The following TEX52 variants were observed in gnomAD, a reference collection of about 807,000 sequenced individuals.
TEX52 encodes testis-expressed protein 52.
TEX52 carries 22 observed loss-of-function variants against 17.6 expected under a neutral mutation model. The observed-to-expected ratio is 1.25, with a 90% CI of 0.89 to 1.78. TEX52 has a LOEUF of 1.78. Among genes scored for constraint, TEX52 ranks in the 40% most tolerant of loss-of-function variants. The pLI is 0.00. For missense variants in TEX52, 396 were observed against 372.3 expected (o/e 1.06, Z -0.52); for synonymous variants, 168 against 147.4 (o/e 1.14, Z -1.01).
chr12:2,855,601 C>G lies in TEX52; in HGVS notation c.73-155G>C, dbSNP rs577541305. 9.2e-5 allele frequency among the ~76,000 whole-genome samples: 14 copies of G among 152,346 alleles called. No homozygotes were observed. The South Asian group carries it at 2.9e-3, about 32-fold the overall frequency. Reference sequence around the variant, plus strand: ...TCCTGGCAGGGCCGCATCTCCATCCCTCTCCTTCCCGGCGGAAGTTATGGC... The same window carrying G: ...TCCTGGCAGGGCCGCATCTCCATCCGTCTCCTTCCCGGCGGAAGTTATGGC... On this transcript the variant is annotated intron_variant, in intron 1 of 2. Transcript: ENST00000637658.
chr12:2,855,179 T>C lies in TEX52; in HGVS notation c.340A>G (p.Arg114Gly). The C allele has an allele frequency of 6.6e-7, 1 of 1,507,136 alleles. No homozygotes were observed. Among genetic ancestry groups the C allele is most frequent in the Non-Finnish European group, 8.9e-7 (1 of 1,129,264 alleles). The allele number at this position is 1,507,136 out of a possible 1,614,324, so 93.4% of individuals were successfully genotyped here. A position where few individuals can be genotyped will look rare whatever the true frequency, so the allele number is the denominator to read the frequency against. Reference protein sequence around the residue: ...LPATFPTQPDRPYDSNVWRWL... With the variant: ...LPATFPTQPDGPYDSNVWRWL... ...CGCCAGACATTGCTATCGTAGGGCC[T>C]GTCAGGCTGGGTGGGGAAGGTGGCA... Residue 114 changes from arginine (R) to glycine (G), a missense_variant, in exon 2 of 3, where the codon AGG becomes GGG. Arg to Gly is a moderately radical substitution (Grantham distance 125). Coordinates refer to ENST00000637658, the MANE Select transcript of TEX52 (RefSeq NM_001365174.2).
chr12:2,849,654 C>T (rs2098063922), intron 2 of TEX52, 129 bp from the exon 3 acceptor site: 1 of 1,016,168 alleles, frequency 9.8e-7, no homozygotes, highest in Non-Finnish European at 1.4e-6. Context: ...GCAGGGAATC[C>T]CTTCTGTCTC....
In TEX52 at chr12:2,853,607, GT is replaced by G. The variant is rs569055360; in HGVS notation, c.623+1288del. 5.3e-3 allele frequency among the ~76,000 whole-genome samples: 770 copies of G among 145,518 alleles called. 9 individuals are homozygous for G. The highest frequency in any genetic ancestry group is 0.019 in the African/African-American group (735 of 38,882). ...TGTTGTTGTTGTTGTTTTTGTTTTT[GT>G]TTTTGTTTTTTTTTCAGATTAAAAA... is the stretch of plus-strand genomic sequence containing the variant. On this transcript the variant is annotated intron_variant, in intron 2 of 2. Transcript: ENST00000637658.
chr12:2,853,592 GTTGTTTTTGTTT>G lies in TEX52; in HGVS notation c.623+1292_623+1303del, dbSNP rs796760977. On this transcript the variant is annotated intron_variant, in intron 2 of 2. Transcript: ENST00000637658. ...CCGGCCTGTTTTTTTTGTTGTTGTT[GTTGTTTTTGTTT>G]TTGTTTTTGTTTTTTTTTCAGATTA... is the stretch of plus-strand genomic sequence containing the variant. Among the ~76,000 whole-genome samples, 34 of 150,256 alleles carry G rather than the reference GTTGTTTTTGTTT, an allele frequency of 2.3e-4. No individual in the cohort carries two copies. The South Asian group carries it at 6.4e-3, about 28-fold the overall frequency.
At chr12:2,847,977 C>T (rs190374132), downstream of TEX52, among the ~76,000 whole-genome samples, 102 of 152,334 alleles carry the variant, frequency 6.7e-4, no homozygotes, top group Middle Eastern at 3.4e-3. Context: ...TGGAGGGCCA[C>T]CAGTGTGCTA....
At chr12:2,850,289 C>A (rs1418924133) in intron 2 of TEX52, among the ~76,000 whole-genome samples, 1 of 152,018 alleles carries the variant, frequency 6.6e-6, no homozygotes, top group Non-Finnish European at 1.5e-5. Context: ...GCCTGGCCGA[C>A]ATGATGAAAC....
At chr12:2,852,943 T>A (rs1430126412) in intron 2 of TEX52, among the ~76,000 whole-genome samples, 1 of 151,568 alleles carries the variant, frequency 6.6e-6, no homozygotes, top group Non-Finnish European at 1.5e-5. Context: ...GAGGTTGCAG[T>A]GAGCCAAGAT....
Position 2,855,336 on chromosome 12 carries a change from G to A in TEX52, c.183C>T (p.His61=), listed in dbSNP as rs760686425. The A allele has an allele frequency of 5.9e-6, 9 of 1,532,258 alleles. No individual in the cohort carries two copies. Among genetic ancestry groups the A allele is most frequent in the Admixed American group, 3.9e-5 (2 of 50,870 alleles). 94.9% of individuals were successfully genotyped at this position (1,532,258 alleles called of 1,614,324 possible). A position where few individuals can be genotyped will look rare whatever the true frequency, so the allele number is the denominator to read the frequency against. ...EFPGFTRQAY[H]QLALKLPPCT... ...AGGGCGGCAGCTTCAGAGCCAGCTG[G>A]TGGTAGGCTTGCCGGGTGAAGCCAG... is the stretch of plus-strand genomic sequence containing the variant. Residue 61 remains histidine (H), a synonymous_variant, in exon 2 of 3, where the codon CAC becomes CAT. Transcript: ENST00000637658.
At chr12:2,848,831 A>G (rs895029794), downstream of TEX52, among the ~76,000 whole-genome samples, 1 of 150,992 alleles carries the variant, frequency 6.6e-6, no homozygotes, top group Non-Finnish European at 1.5e-5. Flanking sequence ...CTTCTTATCC[A>G]TGTTTCTTAC....
intron 2 of TEX52, among the ~76,000 whole-genome samples, chr12:2,850,878 G>A (rs895729409): frequency 2.0e-5 from 3 of 151,624 alleles, no homozygotes; most frequent in Non-Finnish European, 2.9e-5. Context: ...CCCCATGTTG[G>A]CCAGGCTGGT....
intron 2 of TEX52, among the ~76,000 whole-genome samples, chr12:2,850,972 C>T (rs2098068667): frequency 6.7e-6 from 1 of 148,616 alleles, no homozygotes; most frequent in Admixed American, 6.7e-5. Context: ...ACACCAGGCC[C>T]AGAGTCTTTT....
intron 2 of TEX52, among the ~76,000 whole-genome samples, chr12:2,850,653 T>TTTTGTTTTG (rs2098067138): frequency 1.0e-5 from 1 of 97,630 alleles, no homozygotes; most frequent in African/African-American, 6.0e-5. Context: ...AGAGTCTTTG[T>TTTTGTTTTG]TTTTGTTTTG....
chr12:2,854,987 T>A lies in TEX52; in HGVS notation c.532A>T (p.Lys178Ter). The change falls in exon 2 of 3, where the codon AAG becomes TAG. Residue 178 changes from lysine to a stop codon, truncating the protein, a stop_gained. Transcript: ENST00000637658. LOFTEE classifies it high-confidence loss of function. Reference protein sequence around the residue: ...QVIFRTVKELKEVEKLKLRSE... With the variant: ...QVIFRTVKEL Reference sequence around the variant, plus strand: ...CTCAACTTGAGCTTCTCCACCTCCTTCAACTCCTTCACTGTCCTGAAAATC... The same window carrying A: ...CTCAACTTGAGCTTCTCCACCTCCTACAACTCCTTCACTGTCCTGAAAATC... The A allele has an allele frequency of 6.5e-7, 1 of 1,536,232 alleles. No individual in the cohort carries two copies. The highest frequency in any genetic ancestry group is 8.7e-7 in the Non-Finnish European group (1 of 1,146,928).
chr12:2,854,836 A>AG lies in TEX52; in HGVS notation c.623+59dup. On this transcript the variant is annotated intron_variant, in intron 2 of 2. Coordinates refer to ENST00000637658, the MANE Select transcript of TEX52 (RefSeq NM_001365174.2). The stretch of plus-strand genomic sequence containing the variant: ...CCGGTTAGAAACAGGAACCTGAGAG[A>AG]GGGAGGGGTCACCTGGGCAGGGCAG... 3 of 1,454,804 alleles carry AG rather than the reference A, an allele frequency of 2.1e-6. No individual in the cohort carries two copies. In the East Asian group the frequency reaches 7.5e-5, roughly 36 times the overall value. 90.1% of individuals were successfully genotyped at this position (1,454,804 alleles called of 1,614,324 possible). A position where few individuals can be genotyped will look rare whatever the true frequency, so the allele number is the denominator to read the frequency against.
At position 2,855,228 on chromosome 12, in the gene TEX52, C is replaced by A. The variant is rs568961707; in HGVS notation, c.291G>T (p.Thr97=). ...GGAQHTWGFH[T]WLDVCRLPAT... ...CAGGCAGACGGCACACATCGAGCCA[C>A]GTGTGAAAGCCCCAGGTGTGCTGGG... Residue 97 remains threonine (T), a synonymous_variant, in exon 2 of 3, where the codon ACG becomes ACT. Transcript: ENST00000637658. 4.6e-6 allele frequency: 7 copies of A among 1,505,506 alleles called. No homozygotes were observed. The Admixed American group carries it at 6.1e-5, about 13-fold the overall frequency. The allele number at this position is 1,505,506 out of a possible 1,614,324, so 93.3% of individuals were successfully genotyped here. A position where few individuals can be genotyped will look rare whatever the true frequency, so the allele number is the denominator to read the frequency against.
intron 2 of TEX52, among the ~76,000 whole-genome samples, chr12:2,854,076 A>T (rs1346819500): frequency 6.6e-6 from 1 of 152,156 alleles, no homozygotes; most frequent in East Asian, 1.9e-4. Flanking sequence ...CCCCGGCTGG[A>T]GTGCAATGGC....
chr12:2,856,925 G>A (rs1016216518), intron 1 of TEX52, 30 bp downstream of exon 1: 3 of 702,912 alleles, frequency 4.3e-6, no homozygotes, highest in Admixed American at 2.0e-5. Context: ...GGTACAAAAA[G>A]GTAGGCGGCA....
At chr12:2,853,946 G>A (rs1430264974) in intron 2 of TEX52, among the ~76,000 whole-genome samples, 1 of 152,160 alleles carries the variant, frequency 6.6e-6, no homozygotes, top group Admixed American at 6.5e-5. Flanking sequence ...TCCCCATGAG[G>A]CCTTCCTGTG....
intron 2 of TEX52, among the ~76,000 whole-genome samples, chr12:2,851,142 G>A (rs533654100): frequency 2.0e-5 from 3 of 150,972 alleles, no homozygotes; most frequent in African/African-American, 4.9e-5. Context: ...CAGCCTGGGC[G>A]ACAAGAGCGA....
Sources: allele counts gnomAD v4.1 joint callset (sites outside exome capture counted in the v4.1 genomes callset), GRCh38; gene constraint gnomAD v4.1.1; transcripts MANE v1.5; gene names NCBI Gene and HGNC (gene_info 2026-07-23, HGNC 2026-07-21).